The following MROH9 variants were observed in gnomAD, a reference collection of about 807,000 sequenced individuals.
MROH9 encodes maestro heat like repeat family member 9, also known as maestro heat-like repeat-containing protein family member 9.
A neutral mutation model predicts 98.2 loss-of-function variants in MROH9; 92 were observed. The ratio of observed to expected loss-of-function variants is 0.94; its 90% CI spans 0.79 to 1.11. The LOEUF (loss-of-function observed/expected upper bound fraction) is 1.11, where lower values mean the gene tolerates loss of function less well. Among genes scored for constraint, MROH9 ranks in the 50% most tolerant of loss-of-function variants. The pLI, the probability that MROH9 is intolerant of heterozygous loss-of-function variation, is 0.00. For missense variants in MROH9, 1,057 were observed against 1,014.8 expected, an observed-to-expected ratio of 1.04 and a Z score of -0.57; for synonymous variants, 397 against 368.9, an observed-to-expected ratio of 1.08 and a Z score of -0.87.
intron 8 of MROH9, among the ~76,000 whole-genome samples, chr1:170,975,596 C>G (rs990238451): frequency 6.6e-6 from 1 of 152,146 alleles, no homozygotes; most frequent in Non-Finnish European, 1.5e-5. Flanking sequence ...TTAATCTGCT[C>G]TGTATGCCCA....
intron 20 of MROH9, among the ~76,000 whole-genome samples, chr1:171,026,998 G>T (rs1055600051): frequency 3.3e-5 from 5 of 152,124 alleles, no homozygotes; most frequent in Admixed American, 1.3e-4. Flanking sequence ...GAAAATATTT[G>T]TTGAGAACTC....
At chr1:171,045,421 G>C (rs759278992) in intron 20 of MROH9, among the ~76,000 whole-genome samples, 1 of 151,902 alleles carries the variant, frequency 6.6e-6, no homozygotes, top group South Asian at 2.1e-4. Context: ...TTTTGATATA[G>C]GCACTTCACA....
At chr1:170,937,388 T>C (rs967916220) in intron 1 of MROH9, among the ~76,000 whole-genome samples, 2 of 151,348 alleles carry the variant, frequency 1.3e-5, no homozygotes, top group Non-Finnish European at 2.9e-5. Flanking sequence ...GATAAGAGAA[T>C]AAGAAAAGAA....
At chr1:170,937,364 A>AT (rs1648927783) in intron 1 of MROH9, among the ~76,000 whole-genome samples, 1 of 152,180 alleles carries the variant, frequency 6.6e-6, no homozygotes, top group Non-Finnish European at 1.5e-5. Flanking sequence ...AAGTCATTGC[A>AT]TTTTGTATTA....
Position 170,992,659 on chromosome 1 carries a change from A to G in MROH9, c.1194+330A>G, listed in dbSNP as rs530183449. ...GGGCAGGCCTCTCTGCTGAGCTGGCATCTAATCAGAGACCTGAATCAGGTG... is the reference window on the plus strand; with the variant it reads ...GGGCAGGCCTCTCTGCTGAGCTGGCGTCTAATCAGAGACCTGAATCAGGTG... On this transcript the variant is annotated intron_variant, in intron 12 of 21. Coordinates refer to ENST00000367759, the MANE Select transcript of MROH9 (RefSeq NM_001163629.2). Among the ~76,000 whole-genome samples the G allele has an allele frequency of 2.0e-5, 3 of 152,314 alleles. No individual in the cohort carries two copies. In the South Asian group the frequency reaches 6.2e-4, roughly 32 times the overall value.
At chr1:171,062,575 T>C (rs929274335) in intron 21 of MROH9, among the ~76,000 whole-genome samples, 1 of 152,180 alleles carries the variant, frequency 6.6e-6, no homozygotes, top group African/African-American at 2.4e-5. Context: ...AGGGACAGAG[T>C]TGCAAATAAA....
chr1:171,020,433 TC>T (rs1350491651), intron 17 of MROH9, among the ~76,000 whole-genome samples: 2 of 152,176 alleles, frequency 1.3e-5, no homozygotes, highest in Non-Finnish European at 2.9e-5. Flanking sequence ...GTCAGCTTCA[TC>T]CCCGGGACGC....
At chr1:170,969,683 G>A (rs1438520049) in intron 7 of MROH9, among the ~76,000 whole-genome samples, 2 of 151,790 alleles carry the variant, frequency 1.3e-5, no homozygotes, top group Admixed American at 1.3e-4. Flanking sequence ...TTAAGATAAG[G>A]GACTGGAGAG....
chr1:171,016,105 G>A, intron 16 of MROH9, 58 bp from the exon 17 acceptor site: 4 of 1,210,418 alleles, frequency 3.3e-6, no homozygotes, highest in Non-Finnish European at 4.3e-6. Flanking sequence ...CCATATAAAT[G>A]TCAGCTCAAG....
chr1:170,998,082 T>C, intron 14 of MROH9, 72 bp from the exon 15 acceptor site: 3 of 1,142,612 alleles, frequency 2.6e-6, no homozygotes, highest in Non-Finnish European at 3.7e-6. Flanking sequence ...ATTAGAATAA[T>C]GATTCTCTCT....
In MROH9 at chr1:170,971,835, G is replaced by A. The variant is rs767521963; in HGVS notation, c.568G>A (p.Ala190Thr). ...TGAAGATCCCTCGATTGTAAAACAA[G>A]CATCATTGGGAATGTGTCACCTCCT... ...SHEDPSIVKQASLGMCHLLYI... is the reference protein window; with the variant it reads ...SHEDPSIVKQTSLGMCHLLYI... The change falls in exon 8 of 22, where the codon GCA (alanine) becomes ACA (threonine). Residue 190 changes from alanine to threonine, a missense_variant. Coordinates refer to ENST00000367759, the MANE Select transcript of MROH9 (RefSeq NM_001163629.2). 100 of 1,614,050 alleles carry A rather than the reference G, an allele frequency of 6.2e-5. No individual in the cohort carries two copies. Among genetic ancestry groups the A allele is most frequent in the Middle Eastern group, 1.7e-4 (1 of 6,060 alleles).
intron 20 of MROH9, among the ~76,000 whole-genome samples, chr1:171,055,678 G>T (rs929440786): frequency 6.6e-6 from 1 of 151,536 alleles, no homozygotes. Context: ...GGAAAAGGTG[G>T]GAAGGGATGA....
At chr1:171,057,704 AG>A in intron 20 of MROH9, among the ~76,000 whole-genome samples, 1 of 152,206 alleles carries the variant, frequency 6.6e-6, no homozygotes, top group Non-Finnish European at 1.5e-5. Flanking sequence ...AAAAATGTTA[AG>A]GGCAGCCAGA....
chr1:171,030,150 T>C (rs1210266580), intron 20 of MROH9, among the ~76,000 whole-genome samples: 3 of 152,190 alleles, frequency 2.0e-5, no homozygotes, highest in Admixed American at 6.5e-5. Flanking sequence ...TATTTCCTTA[T>C]CAGTTTTTAT....
chr1:171,023,891 A>G (rs1040477780), intron 17 of MROH9, among the ~76,000 whole-genome samples: 8 of 152,168 alleles, frequency 5.3e-5, no homozygotes, highest in African/African-American at 9.7e-5. Context: ...CCTTTAACCA[A>G]CATCTCCCCC....
At chr1:170,965,368 C>T (rs569489156) in intron 7 of MROH9, 113 bp downstream of exon 7, 7 of 669,482 alleles carry the variant, frequency 1.0e-5, no homozygotes, top group South Asian at 2.1e-5. Context: ...TATTATTGTA[C>T]TGGTAGGTTG....
At chr1:170,978,545 G>T (rs1049662709) in intron 8 of MROH9, among the ~76,000 whole-genome samples, 2 of 152,132 alleles carry the variant, frequency 1.3e-5, no homozygotes, top group Non-Finnish European at 2.9e-5. Context: ...TGGCTGGAGT[G>T]TGTTGGAGGT....
Position 170,971,815 on chromosome 1 carries a change from A to G in MROH9, c.548A>G (p.Asp183Gly). The change falls in exon 8 of 22, where the codon GAT becomes GGT. Residue 183 changes from aspartate to glycine, a missense_variant. By Grantham distance (94) the Asp-to-Gly change is moderately conservative. Transcript: ENST00000367759. ...CTGTCTCTTTTGTGTTCCCATGAAGATCCCTCGATTGTAAAACAAGCATCA... is the reference window on the plus strand; with the variant it reads ...CTGTCTCTTTTGTGTTCCCATGAAGGTCCCTCGATTGTAAAACAAGCATCA... ...AELSLLCSHEDPSIVKQASLG... is the reference protein window; with the variant it reads ...AELSLLCSHEGPSIVKQASLG... 1 of 1,614,004 alleles carries G rather than the reference A, an allele frequency of 6.2e-7. No homozygotes were observed. Among genetic ancestry groups the G allele is most frequent in the Non-Finnish European group, 8.5e-7 (1 of 1,179,930 alleles).
chr1:170,970,389 GA>G (rs376405516), intron 7 of MROH9, among the ~76,000 whole-genome samples: 3,175 of 144,970 alleles, frequency 0.022, 99 homozygotes, highest in African/African-American at 0.073. Flanking sequence ...CATCGAGTGG[GA>G]AAAAAAAAAA....
Sources: gnomAD v4.1 joint callset for allele counts (sites outside exome capture counted in the v4.1 genomes callset) on GRCh38, gnomAD v4.1.1 for gene constraint, MANE v1.5 for transcripts, NCBI Gene and HGNC (gene_info 2026-07-23, HGNC 2026-07-21) for gene names.